Variants in ATAD2 observed in about 807,000 individuals in gnomAD.
ATAD2 encodes ATPase family AAA domain-containing protein 2.
In ATAD2, 62 loss-of-function variants were observed where a neutral mutation model predicts 168.9. The observed-to-expected ratio is 0.37, with a 90% confidence interval of 0.30 to 0.45. The LOEUF (loss-of-function observed/expected upper bound fraction) is 0.45, where lower values mean the gene tolerates loss of function less well. ATAD2 is among the 20% of genes least tolerant of loss of function. The pLI, the probability that ATAD2 is intolerant of heterozygous loss-of-function variation, is 1.00. For missense variants in ATAD2, 1,419 were observed against 1,667.8 expected, an observed-to-expected ratio of 0.85 and a Z score of 2.60; for synonymous variants, 613 against 571.6, an observed-to-expected ratio of 1.07 and a Z score of -1.03.
intron 1 of ATAD2, among the ~76,000 whole-genome samples, chr8:123,389,841 C>T (rs1032323692): frequency 2.0e-5 from 3 of 147,944 alleles, no homozygotes; most frequent in Non-Finnish European, 4.5e-5. Context: ...ATACTAGATA[C>T]TAAGAATCTA....
At chr8:123,357,456 T>C (rs764758932) in intron 12 of ATAD2, 106 bp downstream of exon 12, 244 of 1,093,034 alleles carry the variant, frequency 2.2e-4, no homozygotes, top group Non-Finnish European at 2.9e-4. Flanking sequence ...GTCTAATTCT[T>C]CTGGGTTTAT....
intron 21 of ATAD2, among the ~76,000 whole-genome samples, chr8:123,337,347 G>C (rs957900864): frequency 5.4e-4 from 82 of 151,712 alleles, no homozygotes; most frequent in African/African-American, 2.0e-3. Flanking sequence ...CGGGCAACAG[G>C]AGCAAAACTC....
chr8:123,401,090 C>T (rs1226750824), upstream of ATAD2: 1 of 1,544,684 alleles, frequency 6.5e-7, no homozygotes, highest in South Asian at 1.1e-5. Context: ...AAGGACCACA[C>T]CACCCTCCTC....
chr8:123,348,448 A>C (rs935850447), intron 14 of ATAD2, among the ~76,000 whole-genome samples, 175 bp from the exon 15 acceptor site: 1 of 152,132 alleles, frequency 6.6e-6, no homozygotes, highest in Non-Finnish European at 1.5e-5. Flanking sequence ...AGGCCGAGGC[A>C]GGTGGATCAC....
chr8:123,406,341 C>G (rs1450015277), intron 1 of ATAD2, among the ~76,000 whole-genome samples: 2 of 138,554 alleles, frequency 1.4e-5, no homozygotes, highest in Admixed American at 8.0e-5. Flanking sequence ...GATCACACCA[C>G]TGCACTCCAG....
Position 123,346,718 on chromosome 8 carries a change from C to A in ATAD2, c.2245G>T (p.Ala749Ser). The A allele has an allele frequency of 6.3e-7, 1 of 1,594,924 alleles. No individual in the cohort carries two copies. Among genetic ancestry groups the A allele is most frequent in the Non-Finnish European group, 8.5e-7 (1 of 1,173,938 alleles). Residue 749 changes from alanine to serine, a missense_variant, in exon 17 of 28, where the codon GCT becomes TCT. Around this residue, in one of 5 missense-constraint regions of ATAD2, gnomAD observed 545 missense variants for 724.9 expected, o/e 0.75. Coordinates refer to ENST00000287394, the MANE Select transcript of ATAD2 (RefSeq NM_014109.4). ...ISCPLLESDL[A>S]YSDDDVPSVY... The stretch of plus-strand genomic sequence containing the variant: ...GATGGAACATCATCATCACTGTAAG[C>A]CAAGTCACTTTCTAGCAGAGGACAA...
chr8:123,399,776 C>T (rs904895891), upstream of ATAD2, among the ~76,000 whole-genome samples: 16 of 151,902 alleles, frequency 1.1e-4, no homozygotes, highest in African/African-American at 3.9e-4. Flanking sequence ...ATTTCTTGAA[C>T]CTGGGAGGCA....
Position 123,356,476 on chromosome 8 carries a change from G to C in ATAD2, c.1559C>G (p.Ala520Gly). ...AATAATTGATGGGCGCATCTGATAG[G>C]CCTAGAAAGTAGGTGGAGTGGTCAT... ...ERQLRLLFDQ[A>G]YQMRPSIIFF... Residue 520 changes from alanine (A) to glycine (G), a missense_variant and splice_region_variant, in exon 13 of 28, where the codon GCC (alanine) becomes GGC (glycine). Physicochemically the swap from Ala to Gly is moderately conservative, Grantham distance 60 (BLOSUM62 0). Coordinates refer to ENST00000287394, the MANE Select transcript of ATAD2 (RefSeq NM_014109.4). The C allele has an allele frequency of 6.2e-7, 1 of 1,609,806 alleles. No homozygotes were observed. Among genetic ancestry groups the C allele is most frequent in the Middle Eastern group, 1.7e-4 (1 of 6,056 alleles).
At chr8:123,365,062 A>C (rs1828932838) in intron 8 of ATAD2, among the ~76,000 whole-genome samples, 1 of 152,190 alleles carries the variant, frequency 6.6e-6, no homozygotes, top group Non-Finnish European at 1.5e-5. Flanking sequence ...GAACTGACAA[A>C]AAAATCCAGC....
chr8:123,380,436 T>A, intron 2 of ATAD2, 93 bp downstream of exon 2: 1 of 1,297,780 alleles, frequency 7.7e-7, no homozygotes. Flanking sequence ...AGAACCTTGA[T>A]GACCAGTCAA....
chr8:123,365,555 A>G (rs1167777783), intron 8 of ATAD2, among the ~76,000 whole-genome samples: 1 of 152,208 alleles, frequency 6.6e-6, no homozygotes, highest in Non-Finnish European at 1.5e-5. Context: ...TCACCAAAAC[A>G]GCACAGTACT....
In ATAD2 at chr8:123,402,831, AATAATAAT is replaced by A. The variant is rs1813023495; in HGVS notation, c.-2281-1664_-2281-1657del. On this transcript the variant is annotated intron_variant, in intron 1 of 28. Coordinates refer to the ATAD2 transcript ENST00000521903. This position sits in a 1 kb window ranked among gnomAD's most constrained non-coding sequence, Gnocchi z 4.8. ...TCTCAATGCCAATAATAATAATAAT[AATAATAAT>A]AATAAAAATCAACACACTACACACA... 6.6e-6 allele frequency among the ~76,000 whole-genome samples: 1 copy of A among 151,732 alleles called. No individual in the cohort carries two copies. The highest frequency in any genetic ancestry group is 2.4e-5 in the African/African-American group (1 of 41,294).
intron 21 of ATAD2, 111 bp from the exon 22 acceptor site, chr8:123,336,643 A>T (rs1051655440): frequency 1.3e-6 from 1 of 796,410 alleles, no homozygotes; most frequent in African/African-American, 1.8e-5. Context: ...GTAAGAGATT[A>T]TGATAATATA....
At chr8:123,396,560 T>C (rs1461376274), upstream of ATAD2, 6 of 573,470 alleles carry the variant, frequency 1.0e-5, no homozygotes, top group East Asian at 1.6e-4. Flanking sequence ...CTCCTCCCAT[T>C]TGTAGAGCGA....
chr8:123,349,497 T>A lies in ATAD2; in HGVS notation c.1647-53A>T. 4 of 1,502,488 alleles carry A rather than the reference T, an allele frequency of 2.7e-6. No homozygotes were observed. The South Asian group carries it at 4.9e-5, about 18-fold the overall frequency. The allele number at this position is 1,502,488 out of a possible 1,614,324, so 93.1% of individuals were successfully genotyped here. On this transcript the variant is annotated intron_variant, in intron 13 of 27. Coordinates refer to ENST00000287394, the MANE Select transcript of ATAD2 (RefSeq NM_014109.4). ...ATTAATACTATGAACACAGTCTATA[T>A]CATTCAGTAATATTTCTTCTTTTGT...
intron 1 of ATAD2, among the ~76,000 whole-genome samples, chr8:123,411,738 T>G (rs1257452168): frequency 1.3e-5 from 2 of 152,098 alleles, no homozygotes; most frequent in Non-Finnish European, 2.9e-5. Flanking sequence ...TTTCACTCTA[T>G]TTCAATCTAT....
chr8:123,325,488 G>A (rs566919228), intron 26 of ATAD2, among the ~76,000 whole-genome samples: 38 of 151,990 alleles, frequency 2.5e-4, no homozygotes, highest in Non-Finnish European at 4.7e-4. Flanking sequence ...GGGTTTCACC[G>A]TGTTAGCCAG....
At chr8:123,401,430 G>T, upstream of ATAD2, 1 of 1,398,734 alleles carries the variant, frequency 7.1e-7, no homozygotes. Flanking sequence ...AACTGCCATG[G>T]TGTATTACGT....
upstream of ATAD2, chr8:123,401,021 C>T (rs1469354931): frequency 1.0e-5 from 16 of 1,550,494 alleles, no homozygotes; most frequent in African/African-American, 2.7e-5. Context: ...GAGACAGGCA[C>T]CATGGGCAGC....
Sources: gnomAD v4.1 joint callset for allele counts (sites outside exome capture counted in the v4.1 genomes callset) on GRCh38, gnomAD v4.1.1 for gene constraint, gnomAD v4.1.1 regional missense constraint, Gnocchi (gnomAD v3.1) non-coding constraint, MANE v1.5 for transcripts, NCBI Gene and HGNC (gene_info 2026-07-23, HGNC 2026-07-21) for gene names.